Variants in IKBKB observed in about 807,000 individuals in gnomAD.
IKBKB encodes the protein inhibitor of nuclear factor kappa-B kinase subunit beta.
Under a neutral mutation model 113.6 loss-of-function variants are expected in IKBKB, and 42 were observed. That is an observed-to-expected ratio of 0.37 (90% CI 0.29 to 0.48). IKBKB has a LOEUF of 0.48. IKBKB is among the 20% of genes least tolerant of loss of function. The pLI is 0.99. For missense variants in IKBKB, 673 were observed against 939.7 expected (o/e 0.72, Z 3.71); for synonymous variants, 296 against 361.3 (o/e 0.82, Z 2.05).
At chr8:42,300,644 C>T (rs991289748) in intron 5 of IKBKB, among the ~76,000 whole-genome samples, 4 of 152,094 alleles carry the variant, frequency 2.6e-5, no homozygotes, top group Non-Finnish European at 5.9e-5. Context: ...GGATTGTCAG[C>T]GTTCTTCAGT....
intron 2 of IKBKB, among the ~76,000 whole-genome samples, chr8:42,280,188 C>T (rs1264934742): frequency 6.6e-6 from 1 of 152,158 alleles, no homozygotes. Flanking sequence ...TATAAGTCTT[C>T]CTTGTTAGAC....
rs190883860 is a variant in IKBKB at position 42,276,349 on chromosome 8, T to G, written c.105+4144T>G. Among the ~76,000 whole-genome samples the G allele has an allele frequency of 4.1e-3, 620 of 152,352 alleles. 4 individuals carry two copies. Among genetic ancestry groups the G allele is most frequent in the African/African-American group, 0.014 (601 of 41,574 alleles). ...TGCATTTGTCTGATGATTAGTGATA[T>G]TGAACATTTTATCATATACTTGTTG... On this transcript the variant is annotated intron_variant, in intron 2 of 21. Coordinates refer to ENST00000520810, the MANE Select transcript of IKBKB (RefSeq NM_001556.3).
At chr8:42,299,202 C>G (rs111757571) in intron 5 of IKBKB, among the ~76,000 whole-genome samples, 1 of 152,166 alleles carries the variant, frequency 6.6e-6, no homozygotes, top group Non-Finnish European at 1.5e-5. Context: ...ACCAAGTGTC[C>G]GTGTCGAACC....
At chr8:42,310,295 A>AGG (rs1213302745) in intron 8 of IKBKB, among the ~76,000 whole-genome samples, 1 of 152,190 alleles carries the variant, frequency 6.6e-6, no homozygotes, top group Non-Finnish European at 1.5e-5. Context: ...CAGAAGAATA[A>AGG]GGGAGTATGC....
At chr8:42,329,349 G>GTC (rs1036228164) in intron 21 of IKBKB, 135 bp downstream of exon 21, 49 of 1,299,400 alleles carry the variant, frequency 3.8e-5, no homozygotes, top group Admixed American at 4.1e-5. Context: ...TTGTGACAGG[G>GTC]TCTCTCTCTC....
At chr8:42,296,358 G>T (rs1268977795) in intron 5 of IKBKB, among the ~76,000 whole-genome samples, 2 of 152,184 alleles carry the variant, frequency 1.3e-5, no homozygotes, top group Non-Finnish European at 2.9e-5. Context: ...TAGGCCAGAC[G>T]CGGTGGCTCA....
intron 20 of IKBKB, 98 bp from the exon 21 acceptor site, chr8:42,329,026 A>C (rs1821322160): frequency 1.1e-6 from 1 of 917,520 alleles, no homozygotes; most frequent in African/African-American, 1.7e-5. Flanking sequence ...CTTCATTTAA[A>C]AAGTATTATC....
At position 42,276,024 on chromosome 8, in the gene IKBKB, A is replaced by G. The variant is rs111783817; in HGVS notation, c.105+3819A>G. On this transcript the variant is annotated intron_variant, in intron 2 of 21. Transcript: ENST00000520810. ...CCCGGCTAATTTTTATGTTTTCAGC[A>G]GAGACGGGGTTTTACCATGTTGGTC... 4.3e-4 allele frequency among the ~76,000 whole-genome samples: 65 copies of G among 152,236 alleles called. 2 individuals are homozygous for G. Among genetic ancestry groups the G allele is most frequent in the African/African-American group, 1.4e-3 (58 of 41,550 alleles).
At chr8:42,276,179 A>G (rs978852349) in intron 2 of IKBKB, among the ~76,000 whole-genome samples, 4 of 152,172 alleles carry the variant, frequency 2.6e-5, no homozygotes, top group African/African-American at 9.7e-5. Flanking sequence ...ACTATTTTCC[A>G]TAATGGCTGT....
chr8:42,319,488 C>T (rs1194849439), intron 14 of IKBKB, 67 bp downstream of exon 14: 1 of 1,599,198 alleles, frequency 6.3e-7, no homozygotes, highest in Non-Finnish European at 8.6e-7. Flanking sequence ...TCTAAGGTTT[C>T]TTTTGTCCTA....
At position 42,329,137 on chromosome 8, in the gene IKBKB, G is replaced by A. The variant is rs34309584; in HGVS notation, c.2128G>A (p.Ala710Thr). The change falls in exon 21 of 22, where the codon GCT (alanine) becomes ACT (threonine). Residue 710 changes from alanine to threonine, a missense_variant. By Grantham distance (58) the Ala-to-Thr change is moderately conservative. Coordinates refer to ENST00000520810, the MANE Select transcript of IKBKB (RefSeq NM_001556.3). ...EPAKKSEELV[A>T]EAHNLCTLLE... ...CATTTTCTTTAGTGAAGAACTGGTGGCTGAAGCACATAACCTCTGCACCCT... is the reference window on the plus strand; with the variant it reads ...CATTTTCTTTAGTGAAGAACTGGTGACTGAAGCACATAACCTCTGCACCCT... 236 of 1,603,008 alleles carry A rather than the reference G, an allele frequency of 1.5e-4. 3 individuals are homozygous for A. In the East Asian group the frequency reaches 5.1e-3, roughly 35 times the overall value.
chr8:42,287,104 G>T (rs1267057867), intron 2 of IKBKB, among the ~76,000 whole-genome samples: 1 of 152,184 alleles, frequency 6.6e-6, no homozygotes, highest in Non-Finnish European at 1.5e-5. Flanking sequence ...GTGCAGTGGT[G>T]ACTCCCTTGT....
chr8:42,298,722 C>T (rs979421754), intron 5 of IKBKB, among the ~76,000 whole-genome samples: 3 of 152,170 alleles, frequency 2.0e-5, no homozygotes, highest in African/African-American at 7.2e-5. Context: ...ATGGCCGCAG[C>T]GTCCCCTTCT....
At chr8:42,276,760 T>C (rs1809186496) in intron 2 of IKBKB, among the ~76,000 whole-genome samples, 1 of 151,568 alleles carries the variant, frequency 6.6e-6, no homozygotes, top group Admixed American at 6.6e-5. Flanking sequence ...ACAGGTGCGA[T>C]CTCGGGTCAC....
chr8:42,286,011 G>T (rs1210460448), intron 2 of IKBKB, among the ~76,000 whole-genome samples: 1 of 152,156 alleles, frequency 6.6e-6, no homozygotes, highest in African/African-American at 2.4e-5. Context: ...CACAACTCTT[G>T]AGTATGCCAG....
chr8:42,279,488 A>T (rs1282744914), intron 2 of IKBKB, among the ~76,000 whole-genome samples: 10 of 152,342 alleles, frequency 6.6e-5, no homozygotes, highest in Non-Finnish European at 2.9e-5. Flanking sequence ...GTGGCCTGAT[A>T]ATCAGAGGCA....
chr8:42,284,538 T>G (rs1811005816), intron 2 of IKBKB, among the ~76,000 whole-genome samples: 1 of 147,688 alleles, frequency 6.8e-6, no homozygotes, highest in Non-Finnish European at 1.5e-5. Flanking sequence ...GCCGAGGTCG[T>G]GCCACTGCAC....
chr8:42,301,992 C>T (rs1030036590), intron 5 of IKBKB, among the ~76,000 whole-genome samples: 3 of 152,178 alleles, frequency 2.0e-5, no homozygotes, highest in African/African-American at 7.2e-5. Flanking sequence ...AACTAACCTA[C>T]ACTTTTATGT....
intron 21 of IKBKB, chr8:42,330,197 G>A (rs141986720): frequency 6.1e-6 from 6 of 985,350 alleles, no homozygotes; most frequent in African/African-American, 5.2e-5. Flanking sequence ...TACTGACGTC[G>A]ACTTTCTAAT....
Sources: allele counts gnomAD v4.1 joint callset (sites outside exome capture counted in the v4.1 genomes callset), GRCh38; gene constraint gnomAD v4.1.1; transcripts MANE v1.5; gene names NCBI Gene and HGNC (gene_info 2026-07-23, HGNC 2026-07-21).